EP400: variants seen among roughly 807,000 people sequenced by gnomAD.
The protein encoded by EP400 is E1A-binding protein p400.
In EP400, 105 loss-of-function variants were observed where a neutral mutation model predicts 354.1. That is an observed-to-expected ratio of 0.30 (90% confidence interval 0.25 to 0.35). EP400 has a LOEUF of 0.35. Ranked by LOEUF, EP400 falls within the 10% of genes least tolerant of loss-of-function variation. The pLI is 1.00. For missense variants in EP400, 3,280 were observed against 4,121.0 expected (o/e 0.80, Z 5.59); for synonymous variants, 1,646 against 1,716.9 (o/e 0.96, Z 1.02).
rs769476581 is a variant in EP400, at chr12:132,045,473, G to A, written c.6939G>A (p.Lys2313=). 1.2e-6 allele frequency: 2 copies of A among 1,614,102 alleles called. No homozygotes were observed. The highest frequency in any genetic ancestry group is 1.7e-6 in the Non-Finnish European group (2 of 1,180,044). ...TGAAGCAGCAGGTGCCATTCGCCAA[G>A]CCCCTGCCAACTTTTGCCAAACCCA... is the stretch of plus-strand genomic sequence containing the variant. ...ILLKQQVPFA[K]PLPTFAKPTA... Residue 2313 remains lysine, a synonymous_variant, in exon 38 of 53, where the codon AAG becomes AAA. Transcript: ENST00000389561.
Position 132,017,845 on chromosome 12 carries a change from G to A in EP400, c.4110+124G>A, listed in dbSNP as rs1893996022. The A allele has an allele frequency of 9.2e-6, 10 of 1,086,250 alleles. No individual in the cohort carries two copies. Among genetic ancestry groups the A allele is most frequent in the African/African-American group, 4.8e-5 (3 of 62,008 alleles). The allele number at this position is 1,086,250 out of a possible 1,614,324, so 67.3% of individuals were successfully genotyped here. ...TCTGCAATTGCAATTGCAGCTCCGC[G>A]ATACATGGCACCGTCTAGCAGCACT... On this transcript the variant is annotated intron_variant, in intron 20 of 52. Transcript: ENST00000389561. The surrounding 1 kb of genome is among the most constrained non-coding windows in gnomAD (Gnocchi z 5.0).
intron 45 of EP400, among the ~76,000 whole-genome samples, chr12:132,055,685 G>T (rs574324463): frequency 6.8e-6 from 1 of 146,870 alleles, no homozygotes; most frequent in South Asian, 2.2e-4. Context: ...GTGTAGGGGG[G>T]CGTGTGTGAA....
At chr12:131,972,725 CTTTTTTTT>C (rs144441438) in intron 2 of EP400, among the ~76,000 whole-genome samples, 287 of 98,102 alleles carry the variant, frequency 2.9e-3, no homozygotes, top group Non-Finnish European at 3.9e-3. Flanking sequence ...CTAACACAAC[CTTTTTTTT>C]TTTTTTTTTT....
chr12:132,018,672 G>A lies in EP400; in HGVS notation c.4277+296G>A, dbSNP rs1458306376. On this transcript the variant is annotated intron_variant, in intron 21 of 52. Transcript: ENST00000389561. This position sits in a 1 kb window ranked among gnomAD's most constrained non-coding sequence, Gnocchi z 4.0. ...TTGACCTGGTGCCTCGTGTGGTGGA[G>A]GCTGGTGTGGCCGAACCACACATGT... 6.6e-6 allele frequency among the ~76,000 whole-genome samples: 1 copy of A among 152,192 alleles called. No individual in the cohort carries two copies. Among genetic ancestry groups the A allele is most frequent in the African/African-American group, 2.4e-5 (1 of 41,446 alleles).
intron 12 of EP400, among the ~76,000 whole-genome samples, chr12:131,995,345 T>C (rs1593333693): frequency 6.6e-6 from 1 of 151,464 alleles, no homozygotes; most frequent in Non-Finnish European, 1.5e-5. Flanking sequence ...CTTGAGTGTG[T>C]GAGAACTTCA....
At chr12:132,026,338 C>T (rs1894303820) in intron 25 of EP400, among the ~76,000 whole-genome samples, 4 of 152,296 alleles carry the variant, frequency 2.6e-5, no homozygotes. Context: ...AGGGGTGAGG[C>T]TCTCTCCTTG....
intron 1 of EP400, among the ~76,000 whole-genome samples, chr12:131,952,514 G>A (rs1046706581): frequency 6.6e-6 from 1 of 152,018 alleles, no homozygotes; most frequent in Admixed American, 6.6e-5. Flanking sequence ...CCAGGCTGGA[G>A]TGCAGTGGCA....
Position 131,990,779 on chromosome 12 carries a change from C to G in EP400, c.2629+65C>G. ...TATTTTGTTCGGATTCTTTTCTCAG[C>G]AGGCAGTCTCCTGGCGCTGTGGCTT... On this transcript the variant is annotated intron_variant, in intron 9 of 52. Coordinates refer to ENST00000389561, the MANE Select transcript of EP400 (RefSeq NM_015409.5). This position sits in a 1 kb window ranked among gnomAD's most constrained non-coding sequence, Gnocchi z 4.2. The G allele has an allele frequency of 8.1e-7, 1 of 1,240,286 alleles. No homozygotes were observed. Among genetic ancestry groups the G allele is most frequent in the South Asian group, 1.3e-5 (1 of 76,956 alleles). 76.8% of individuals were successfully genotyped at this position (1,240,286 alleles called of 1,614,324 possible). A position where few individuals can be genotyped will look rare whatever the true frequency, so the allele number is the denominator to read the frequency against.
In EP400 at chr12:132,017,590, C is replaced by T. The variant is rs754671500; in HGVS notation, c.3979C>T (p.Arg1327Trp). 8 of 1,613,658 alleles carry T rather than the reference C, an allele frequency of 5.0e-6. No individual in the cohort carries two copies. Among genetic ancestry groups the T allele is most frequent in the South Asian group, 3.3e-5 (3 of 91,074 alleles). The change falls in exon 20 of 53, where the codon CGG becomes TGG. Residue 1327 changes from arginine (R) to tryptophan (W), a missense_variant. This residue lies in a region of EP400 where 242 missense variants were observed against 357.9 expected (regional missense o/e 0.68). Transcript: ENST00000389561. This position sits in a 1 kb window ranked among gnomAD's most constrained non-coding sequence, Gnocchi z 5.0. ...HFVNVLSILV[R>W]LQRICNHPGL... ...TGTCAACGTCCTGAGCATCCTTGTGCGGCTGCAGCGCATCTGCAACCACCC... is the reference window on the plus strand; with the variant it reads ...TGTCAACGTCCTGAGCATCCTTGTGTGGCTGCAGCGCATCTGCAACCACCC...
In EP400 at chr12:131,961,817, A is replaced by G. The variant is rs1473095406; in HGVS notation, c.1198A>G (p.Met400Val). ...TTTCTTGCAACACTTTCAAGGGAAC[A>G]TGATGGATTTCTTAGCTTTCAAGAA... ...LFFLQHFQGN[M>V]MDFLAFKKKH... is the part of the protein sequence containing the mutation. The change falls in exon 2 of 53, where the codon ATG becomes GTG. Residue 400 changes from methionine to valine, a missense_variant. Physicochemically the swap from Met to Val is conservative, Grantham distance 21. This residue lies in a region of EP400 where 85 missense variants were observed against 180.3 expected (regional missense o/e 0.47). Coordinates refer to ENST00000389561, the MANE Select transcript of EP400 (RefSeq NM_015409.5). The G allele has an allele frequency of 3.7e-6, 6 of 1,614,130 alleles. No homozygotes were observed. Among genetic ancestry groups the G allele is most frequent in the East Asian group, 2.2e-5 (1 of 44,896 alleles).
intron 32 of EP400, among the ~76,000 whole-genome samples, chr12:132,042,553 A>C (rs995280613): frequency 6.6e-6 from 1 of 152,246 alleles, no homozygotes; most frequent in Non-Finnish European, 1.5e-5. Flanking sequence ...TGCACCACCT[A>C]TCTGGCAATA....
At chr12:132,039,148 TCTC>T (rs1327159467) in intron 32 of EP400, among the ~76,000 whole-genome samples, 6 of 152,128 alleles carry the variant, frequency 3.9e-5, no homozygotes, top group Admixed American at 2.0e-4. Context: ...TCTGGTGCTG[TCTC>T]CTCTTCCATT....
Position 132,029,754 on chromosome 12 carries a change from C to A in EP400, c.5435C>A (p.Pro1812Gln). The change falls in exon 28 of 53, where the codon CCG becomes CAG. Residue 1812 changes from proline (P) to glutamine (Q), a missense_variant. Pro to Gln is a moderately conservative substitution (Grantham distance 76). This residue lies in a region of EP400 where 459 missense variants were observed against 496.9 expected (regional missense o/e 0.92). Transcript: ENST00000389561. This position sits in a 1 kb window ranked among gnomAD's most constrained non-coding sequence, Gnocchi z 4.7. ...VVAAPPSLRVPRPPPLYSHRM... is the reference protein window; with the variant it reads ...VVAAPPSLRVQRPPPLYSHRM... ...GCAGCACCCCCGTCCCTACGGGTGC[C>A]GCGGCCGCCACCCCTGTACAGCCAC... is the stretch of plus-strand genomic sequence containing the variant. 3 of 1,613,218 alleles carry A rather than the reference C, an allele frequency of 1.9e-6. No homozygotes were observed. The highest frequency in any genetic ancestry group is 2.5e-6 in the Non-Finnish European group (3 of 1,179,986).
Position 131,986,381 on chromosome 12 carries a change from G to C in EP400, c.1930-133G>C, listed in dbSNP as rs373672792. The C allele has an allele frequency of 6.2e-6, 5 of 808,538 alleles. No individual in the cohort carries two copies. The Admixed American group carries it at 1.0e-4, about 17-fold the overall frequency. The allele number at this position is 808,538 out of a possible 1,614,324, so 50.1% of individuals were successfully genotyped here. On this transcript the variant is annotated intron_variant, in intron 5 of 52. Transcript: ENST00000389561. ...TTGGGCTGTGGATACGATGTGATTT[G>C]TCTGCTTGCATCGTGGAGCGGAAGG...
chr12:131,991,916 T>G (rs1256654301), intron 10 of EP400, among the ~76,000 whole-genome samples: 1 of 152,212 alleles, frequency 6.6e-6, no homozygotes, highest in Non-Finnish European at 1.5e-5. Context: ...AGACTCAGTC[T>G]ACTTTGAAAA....
At position 131,990,676 on chromosome 12, in the gene EP400, GGAA is replaced by G; in HGVS notation, c.2596_2598del (p.Lys866del). On this transcript the variant is annotated inframe_deletion, in exon 9 of 53. Transcript: ENST00000389561. This position sits in a 1 kb window ranked among gnomAD's most constrained non-coding sequence, Gnocchi z 4.2. ...CTACGAGTAGAATTAGAAGAAAAAA[GGAA>G]GAAGGCCTTAAATTTACAGAAAGTT... 6.2e-7 allele frequency: 1 copy of G among 1,612,908 alleles called. No homozygotes were observed. The highest frequency in any genetic ancestry group is 8.5e-7 in the Non-Finnish European group (1 of 1,179,442).
chr12:132,023,002 A>AT (rs938911725), intron 23 of EP400, among the ~76,000 whole-genome samples: 8 of 152,138 alleles, frequency 5.3e-5, no homozygotes, highest in Non-Finnish European at 1.0e-4. Flanking sequence ...GAAGCTAGTT[A>AT]TTTTTTTATA....
intron 41 of EP400, 97 bp from the exon 42 acceptor site, chr12:132,053,049 G>T: frequency 7.4e-7 from 1 of 1,342,534 alleles, no homozygotes; most frequent in Non-Finnish European, 1.1e-6. Flanking sequence ...GGCTGGAGCT[G>T]CCCCAGCACC....
rs150705036 is a variant in EP400, at chr12:132,006,201, G to C, written c.3025G>C (p.Glu1009Gln). Residue 1009 changes from glutamate (E) to glutamine (Q), a missense_variant, in exon 14 of 53, where the codon GAG becomes CAG. Glu to Gln is a conservative substitution (Grantham distance 29, BLOSUM62 2). Transcript: ENST00000389561. Reference sequence around the variant, plus strand: ...CATCATGGATCAGTTCAAAGCTGCCGAGAGGATGAATATCGGGAAGCCAAA... The same window carrying C: ...CATCATGGATCAGTTCAAAGCTGCCCAGAGGATGAATATCGGGAAGCCAAA... Reference protein sequence around the residue: ...LFIMDQFKAAERMNIGKPNAK... With the variant: ...LFIMDQFKAAQRMNIGKPNAK... 9 of 1,614,076 alleles carry C rather than the reference G, an allele frequency of 5.6e-6. No homozygotes were observed. Among genetic ancestry groups the C allele is most frequent in the Admixed American group, 5.0e-5 (3 of 59,996 alleles).
Sources: allele counts gnomAD v4.1 joint callset (sites outside exome capture counted in the v4.1 genomes callset), GRCh38; gene constraint gnomAD v4.1.1; regional missense constraint gnomAD v4.1.1; non-coding constraint Gnocchi (gnomAD v3.1); transcripts MANE v1.5; gene names NCBI Gene and HGNC (gene_info 2026-07-23, HGNC 2026-07-21).